The following ABTB3 variants were observed in gnomAD, a reference collection of about 807,000 sequenced individuals.
ABTB3 encodes ankyrin repeat and BTB domain containing 3.
the ABTB3 span, among the ~76,000 whole-genome samples, chr12:107,609,055 C>T: frequency 6.6e-6 from 1 of 152,080 alleles, no homozygotes; most frequent in African/African-American, 2.4e-5. Flanking sequence ...CGAAGGCTTG[C>T]TGGATCTGCT....
the ABTB3 span, among the ~76,000 whole-genome samples, chr12:107,335,127 A>G: frequency 1.5e-4 from 23 of 151,558 alleles, no homozygotes; most frequent in African/African-American, 1.5e-4. Context: ...CTCTATACAA[A>G]ATGTAAAGAG....
the ABTB3 span, among the ~76,000 whole-genome samples, chr12:107,603,128 T>G: frequency 6.6e-6 from 1 of 152,210 alleles, no homozygotes; most frequent in African/African-American, 2.4e-5. Context: ...GCACACTTAT[T>G]TGTCCAGGCC....
chr12:107,382,378 T>G, the ABTB3 span, among the ~76,000 whole-genome samples: 2 of 152,300 alleles, frequency 1.3e-5, no homozygotes, highest in Admixed American at 1.3e-4. Context: ...TTTCTACGTG[T>G]GGTGGGATTT....
chr12:107,615,726 G>T, the ABTB3 span, among the ~76,000 whole-genome samples: 1 of 152,220 alleles, frequency 6.6e-6, no homozygotes, highest in Non-Finnish European at 1.5e-5. Flanking sequence ...CCTCATTGGA[G>T]GTCCTTTGGG....
the ABTB3 span, among the ~76,000 whole-genome samples, chr12:107,391,495 C>T: frequency 1.6e-4 from 24 of 152,264 alleles, no homozygotes; most frequent in African/African-American, 5.3e-4. Context: ...CACTTAAACA[C>T]ATTTGATCCT....
At chr12:107,467,157 A>C in the ABTB3 span, among the ~76,000 whole-genome samples, 1 of 152,156 alleles carries the variant, frequency 6.6e-6, no homozygotes, top group Non-Finnish European at 1.5e-5. Flanking sequence ...TGAGCTCCCA[A>C]ACTCTGAAAC....
At chr12:107,337,371 T>C in the ABTB3 span, among the ~76,000 whole-genome samples, 1 of 152,370 alleles carries the variant, frequency 6.6e-6, no homozygotes, top group Middle Eastern at 3.4e-3. Context: ...GAATTCCCAG[T>C]TGGTGCCTCT....
chr12:107,343,026 A>G, the ABTB3 span, among the ~76,000 whole-genome samples: 4 of 151,856 alleles, frequency 2.6e-5, no homozygotes, highest in African/African-American at 9.7e-5. Context: ...AAAAATTTTT[A>G]TTTTTAGAGA....
At chr12:107,545,604 A>G in the ABTB3 span, among the ~76,000 whole-genome samples, 1 of 152,182 alleles carries the variant, frequency 6.6e-6, no homozygotes, top group African/African-American at 2.4e-5. Flanking sequence ...GTCTGGAATT[A>G]ACTTATTCAG....
At chr12:107,648,620 A>G in the ABTB3 span, among the ~76,000 whole-genome samples, 1 of 152,120 alleles carries the variant, frequency 6.6e-6, no homozygotes, top group Non-Finnish European at 1.5e-5. Flanking sequence ...AGGGCCATTG[A>G]CATCGTTAGT....
chr12:107,481,403 T>A, the ABTB3 span, among the ~76,000 whole-genome samples: 7 of 152,112 alleles, frequency 4.6e-5, no homozygotes, highest in African/African-American at 1.7e-4. Context: ...TTTGGCCTGG[T>A]TCCCTCTGAG....
At chr12:107,512,492 C>T in the ABTB3 span, among the ~76,000 whole-genome samples, 3 of 152,148 alleles carry the variant, frequency 2.0e-5, no homozygotes, top group Non-Finnish European at 4.4e-5. Flanking sequence ...TGTATACTTG[C>T]CTATCAGTTC....
the ABTB3 span, among the ~76,000 whole-genome samples, chr12:107,484,209 T>C: frequency 6.6e-6 from 1 of 152,110 alleles, no homozygotes; most frequent in East Asian, 1.9e-4. Context: ...AAAAGCTAGG[T>C]GGAGAAAAGC....
At chr12:107,594,885 C>A in the ABTB3 span, among the ~76,000 whole-genome samples, 2 of 152,036 alleles carry the variant, frequency 1.3e-5, no homozygotes, top group Non-Finnish European at 2.9e-5. Flanking sequence ...GTCTTTCAAC[C>A]TCAGCACTAC....
At chr12:107,386,408 G>C in the ABTB3 span, among the ~76,000 whole-genome samples, 1 of 152,196 alleles carries the variant, frequency 6.6e-6, no homozygotes, top group Non-Finnish European at 1.5e-5. Flanking sequence ...CCAGTGCATA[G>C]CACAGAGCTT....
chr12:107,461,188 A>G, the ABTB3 span, among the ~76,000 whole-genome samples: 4 of 152,082 alleles, frequency 2.6e-5, no homozygotes, highest in Admixed American at 2.0e-4. Flanking sequence ...GTATGGGCGA[A>G]CCCACCCCCA....
chr12:107,355,213 G>A, the ABTB3 span, among the ~76,000 whole-genome samples: 1 of 152,226 alleles, frequency 6.6e-6, no homozygotes, highest in Non-Finnish European at 1.5e-5. Flanking sequence ...AGGTCCCTCT[G>A]AGCTGCAGAG....
At chr12:107,604,987 A>G in the ABTB3 span, among the ~76,000 whole-genome samples, 4 of 152,252 alleles carry the variant, frequency 2.6e-5, no homozygotes, top group African/African-American at 9.6e-5. Flanking sequence ...CCTGGAGGAC[A>G]TTATGTTACG....
the ABTB3 span, among the ~76,000 whole-genome samples, chr12:107,382,884 G>A: frequency 8.0e-3 from 1,223 of 152,170 alleles, 13 homozygotes; most frequent in African/African-American, 0.028. Flanking sequence ...TGTTCTGCAC[G>A]TGTATCCCAG....
Sources: gnomAD v4.1 joint callset for allele counts (sites outside exome capture counted in the v4.1 genomes callset) on GRCh38, gnomAD v4.1.1 for gene constraint, MANE v1.5 for transcripts, NCBI Gene and HGNC (gene_info 2026-07-23, HGNC 2026-07-21) for gene names.